Variants in MGAT5B observed in about 807,000 individuals in gnomAD.
MGAT5B encodes N-acetylglucosaminyl-transferase Vb.
In MGAT5B, 54 loss-of-function variants were observed where a neutral mutation model predicts 95.1. That is an observed-to-expected ratio of 0.57 (90% CI 0.46 to 0.71). MGAT5B has a LOEUF of 0.71. MGAT5B is among the 30% of genes least tolerant of loss of function. The pLI is 0.00. For synonymous variants in MGAT5B, 464 were observed against 451.0 expected (o/e 1.03, Z -0.36); for missense variants, 935 against 1,088.6 (o/e 0.86, Z 1.99).
rs909700785 is a variant in MGAT5B at position 76,917,985 on chromosome 17, C to T, written c.1026-6981C>T. ...GAGGGCCGAGTTCCCGTTCCTCTTC[C>T]TGCAGCCGTGCTGGCAGCCAGCGGG... On this transcript the variant is annotated intron_variant, in intron 8 of 17. Coordinates refer to ENST00000569840, the MANE Select transcript of MGAT5B (RefSeq NM_001199172.2). This position sits in a 1 kb window ranked among gnomAD's most constrained non-coding sequence, Gnocchi z 6.1. Among the ~76,000 whole-genome samples the T allele has an allele frequency of 8.5e-5, 13 of 152,306 alleles. No individual in the cohort carries two copies. Among genetic ancestry groups the T allele is most frequent in the Middle Eastern group, 3.4e-3 (1 of 294 alleles).
In MGAT5B at chr17:76,899,368, G is replaced by A. The variant is rs187141954; in HGVS notation, c.330-3187G>A. ...CCTTGAAATATTCATTCCAGGCTGG[G>A]TATGGTGGCTCACACCTGTAATCCC... On this transcript the variant is annotated intron_variant, in intron 3 of 17. Transcript: ENST00000569840. Among the ~76,000 whole-genome samples, 284 of 152,278 alleles carry A rather than the reference G, an allele frequency of 1.9e-3. 2 individuals are homozygous for A. The highest frequency in any genetic ancestry group is 4.5e-3 in the African/African-American group (187 of 41,544).
chr17:76,897,995 G>A (rs1450534037), intron 3 of MGAT5B, among the ~76,000 whole-genome samples: 1 of 151,802 alleles, frequency 6.6e-6, no homozygotes, highest in Non-Finnish European at 1.5e-5. Context: ...GGCAGAGGCT[G>A]CAGTGAGCCG....
At chr17:76,937,079 A>G (rs72887782) in intron 12 of MGAT5B, among the ~76,000 whole-genome samples, 17,401 of 151,140 alleles carry the variant, frequency 0.12, 1,255 homozygotes, top group East Asian at 0.19. Context: ...GGATGACTCT[A>G]TTTTACTCCA....
intron 3 of MGAT5B, among the ~76,000 whole-genome samples, chr17:76,888,689 G>A (rs1176322109): frequency 6.6e-6 from 1 of 152,186 alleles, no homozygotes; most frequent in Non-Finnish European, 1.5e-5. Flanking sequence ...AGGGAGGAAG[G>A]GGCTGAGCCT....
chr17:76,910,856 C>G (rs772152031), intron 8 of MGAT5B, among the ~76,000 whole-genome samples: 1 of 152,314 alleles, frequency 6.6e-6, no homozygotes, highest in South Asian at 2.1e-4. Flanking sequence ...CTGGCTCAGA[C>G]AGGGCAGAAT....
chr17:76,920,174 G>A (rs1969081571), intron 8 of MGAT5B, among the ~76,000 whole-genome samples: 1 of 152,204 alleles, frequency 6.6e-6, no homozygotes, highest in Non-Finnish European at 1.5e-5. Flanking sequence ...AGATGGAGGG[G>A]TATGCAGCAG....
chr17:76,871,159 C>T (rs1214258999), intron 1 of MGAT5B, among the ~76,000 whole-genome samples: 4 of 152,148 alleles, frequency 2.6e-5, no homozygotes, highest in African/African-American at 4.8e-5. Flanking sequence ...GGGGGAAGTC[C>T]GTCCTTGTCC....
rs923276256 is a variant in MGAT5B at position 76,870,886 on chromosome 17, A to G, written c.68+1789A>G. Among the ~76,000 whole-genome samples, 1 of 152,104 alleles carries G rather than the reference A, an allele frequency of 6.6e-6. No homozygotes were observed. Among genetic ancestry groups the G allele is most frequent in the Non-Finnish European group, 1.5e-5 (1 of 67,998 alleles). The stretch of plus-strand genomic sequence containing the variant: ...CCCCTGGAATGTTGCTTGAGTGGAT[A>G]CATGGATGGCTGAAGCCATTTTAAC... On this transcript the variant is annotated intron_variant, in intron 1 of 17. Transcript: ENST00000569840. The surrounding 1 kb of genome is among the most constrained non-coding windows in gnomAD (Gnocchi z 5.0).
At chr17:76,937,423 T>G (rs1231665275) in intron 12 of MGAT5B, among the ~76,000 whole-genome samples, 1 of 150,026 alleles carries the variant, frequency 6.7e-6, no homozygotes, top group East Asian at 2.0e-4. Context: ...GGTGGATGAG[T>G]GGATGGGTGG....
At chr17:76,896,772 A>C (rs532753) in intron 3 of MGAT5B, among the ~76,000 whole-genome samples, 19,920 of 152,154 alleles carry the variant, frequency 0.13, 1,723 homozygotes, top group African/African-American at 0.21. Context: ...TCACTGACCC[A>C]GCGCTTGAAA....
rs1968546282 is a variant in MGAT5B at position 76,906,776 on chromosome 17, T to G, written c.1025+589T>G. 6.6e-6 allele frequency among the ~76,000 whole-genome samples: 1 copy of G among 151,960 alleles called. No homozygotes were observed. Among genetic ancestry groups the G allele is most frequent in the Non-Finnish European group, 1.5e-5 (1 of 67,988 alleles). The stretch of plus-strand genomic sequence containing the variant: ...TGTGGGGATGTCAAGGGGGTAAGAG[T>G]GTGTGATTGGGTTTATTTTTAATCA... On this transcript the variant is annotated intron_variant, in intron 8 of 17. Transcript: ENST00000569840. This position sits in a 1 kb window ranked among gnomAD's most constrained non-coding sequence, Gnocchi z 4.6.
rs947285306 is a variant in MGAT5B at position 76,924,909 on chromosome 17, G to A, written c.1026-57G>A. ...ATTCTGGGCTCTAAGGAACTGGGGT[G>A]GCCGGTTGGGCAGGTGGGTTTCTTG... On this transcript the variant is annotated intron_variant, in intron 8 of 17. Transcript: ENST00000569840. 33 of 1,601,676 alleles carry A rather than the reference G, an allele frequency of 2.1e-5. No homozygotes were observed. In the Admixed American group the frequency reaches 4.9e-4, roughly 24 times the overall value.
chr17:76,947,321 G>A (rs1021738655), intron 16 of MGAT5B, among the ~76,000 whole-genome samples: 2 of 152,212 alleles, frequency 1.3e-5, no homozygotes, highest in Non-Finnish European at 2.9e-5. Flanking sequence ...AAGGGAGAGT[G>A]TATTCAGGTG....
rs1966896182 is a variant in MGAT5B, at chr17:76,869,073, G to A, written c.44G>A (p.Cys15Tyr). 1.2e-6 allele frequency: 2 copies of A among 1,614,022 alleles called. No homozygotes were observed. Among genetic ancestry groups the A allele is most frequent in the Non-Finnish European group, 1.7e-6 (2 of 1,179,992 alleles). Residue 15 changes from cysteine to tyrosine, a missense_variant, in exon 1 of 18, where the codon TGC becomes TAC. By Grantham distance (194) the Cys-to-Tyr change is radical. This residue lies in a region of MGAT5B where 243 missense variants were observed against 228.2 expected (regional missense o/e 1.06). Coordinates refer to ENST00000569840, the MANE Select transcript of MGAT5B (RefSeq NM_001199172.2). This position sits in a 1 kb window ranked among gnomAD's most constrained non-coding sequence, Gnocchi z 7.0. ...NPDGKIMVRRCLVTLRPFRLF... is the reference protein window; with the variant it reads ...NPDGKIMVRRYLVTLRPFRLF... ...GATGGGAAGATAATGGTCAGAAGAT[G>A]CCTGGTCACCCTGAGACCCTTTCGG... is the stretch of plus-strand genomic sequence containing the variant.
At chr17:76,904,185 T>G in intron 5 of MGAT5B, 67 bp from the exon 6 acceptor site, 1 of 1,488,118 alleles carries the variant, frequency 6.7e-7, no homozygotes, top group South Asian at 1.3e-5. Context: ...GGGGTGCACG[T>G]GCGGGGGAGT....
intron 5 of MGAT5B, 140 bp from the exon 6 acceptor site, chr17:76,904,112 C>A: frequency 1.2e-6 from 1 of 835,162 alleles, no homozygotes; most frequent in East Asian, 2.7e-5. Context: ...CTTCTCTGCC[C>A]TGTCCCCTGT....
At chr17:76,948,144 C>T in intron 17 of MGAT5B, 58 bp downstream of exon 17, 2 of 1,514,704 alleles carry the variant, frequency 1.3e-6, no homozygotes, top group East Asian at 2.3e-5. Flanking sequence ...CAGCCGGGTT[C>T]ACTGAGAGCT....
intron 10 of MGAT5B, among the ~76,000 whole-genome samples, chr17:76,927,180 T>G (rs1293751397): frequency 6.6e-6 from 1 of 151,986 alleles, no homozygotes; most frequent in Admixed American, 6.6e-5. Flanking sequence ...AATGCAGGAT[T>G]GGGCTTGGCT....
At chr17:76,936,447 G>T in intron 12 of MGAT5B, among the ~76,000 whole-genome samples, 1 of 152,232 alleles carries the variant, frequency 6.6e-6, no homozygotes, top group Admixed American at 6.5e-5. Flanking sequence ...AAAGAGAAAA[G>T]TTCTTAATTT....
Sources: gnomAD v4.1 joint callset for allele counts (sites outside exome capture counted in the v4.1 genomes callset) on GRCh38, gnomAD v4.1.1 for gene constraint, gnomAD v4.1.1 regional missense constraint, Gnocchi (gnomAD v3.1) non-coding constraint, MANE v1.5 for transcripts, NCBI Gene and HGNC (gene_info 2026-07-23, HGNC 2026-07-21) for gene names.